Variants in EPB41L5 observed in about 807,000 individuals in gnomAD.
EPB41L5 encodes erythrocyte membrane protein band 4.1 like 5.
A neutral mutation model predicts 106.6 loss-of-function variants in EPB41L5; 55 were observed. The ratio of observed to expected loss-of-function variants is 0.52; its 90% CI spans 0.42 to 0.65. The LOEUF is 0.65. Ranked by LOEUF, EPB41L5 falls within the 30% of genes least tolerant of loss-of-function variation. The pLI is 0.00. For missense variants in EPB41L5, 871 were observed against 882.1 expected (o/e 0.99, Z 0.16); for synonymous variants, 297 against 306.7 (o/e 0.97, Z 0.33).
chr2:120,099,652 C>A (rs1684012598), intron 14 of EPB41L5, among the ~76,000 whole-genome samples: 1 of 152,174 alleles, frequency 6.6e-6, no homozygotes, highest in Admixed American at 6.5e-5. Context: ...TGGTCTCGAT[C>A]TCCTGGCCTC....
intron 3 of EPB41L5, among the ~76,000 whole-genome samples, chr2:120,045,147 G>T (rs984083848): frequency 7.2e-5 from 11 of 152,124 alleles, no homozygotes; most frequent in African/African-American, 2.7e-4. Flanking sequence ...AGGTTAATGT[G>T]CCACATTTTA....
chr2:120,015,847 C>G (rs1213032337), intron 1 of EPB41L5, among the ~76,000 whole-genome samples: 3 of 150,320 alleles, frequency 2.0e-5, no homozygotes, highest in East Asian at 3.9e-4. Context: ...GTGGGAGAAT[C>G]CCTTGAGCAT....
At chr2:120,082,564 T>G (rs1030355037) in intron 10 of EPB41L5, among the ~76,000 whole-genome samples, 1 of 152,156 alleles carries the variant, frequency 6.6e-6, no homozygotes, top group Admixed American at 6.5e-5. Flanking sequence ...GGTCTAAAAT[T>G]CTCTTTTTTT....
chr2:120,128,708 G>GT (rs397941666), intron 17 of EPB41L5, among the ~76,000 whole-genome samples: 6,615 of 140,934 alleles, frequency 0.047, 154 homozygotes, highest in African/African-American at 0.08. Context: ...GTACATCATG[G>GT]TTTTTTTTTT....
At position 120,146,226 on chromosome 2, in the gene EPB41L5, T is replaced by C; in HGVS notation, c.1730T>C (p.Val577Ala). Reference sequence around the variant, plus strand: ...TTTTTTAATATTTCATTTTCTTAGGTTACAAAAGAAGATAGCTTATTAAGT... The same window carrying C: ...TTTTTTAATATTTCATTTTCTTAGGCTACAAAAGAAGATAGCTTATTAAGT... ...LKAQVEAVHKVTKEDSLLSHK... is the reference protein window; with the variant it reads ...LKAQVEAVHKATKEDSLLSHK... Residue 577 changes from valine to alanine, a missense_variant and splice_region_variant, in exon 20 of 25, where the codon GTT becomes GCT. Transcript: ENST00000263713. 1 of 1,585,874 alleles carries C rather than the reference T, an allele frequency of 6.3e-7. No individual in the cohort carries two copies. Among genetic ancestry groups the C allele is most frequent in the Non-Finnish European group, 8.7e-7 (1 of 1,155,740 alleles).
chr2:120,103,114 A>G (rs989494995), intron 16 of EPB41L5, among the ~76,000 whole-genome samples: 2 of 152,218 alleles, frequency 1.3e-5, no homozygotes, highest in African/African-American at 4.8e-5. Context: ...ATAAAGGTGA[A>G]GATTAATGTT....
chr2:120,098,333 C>T (rs1683905954), intron 14 of EPB41L5, among the ~76,000 whole-genome samples: 1 of 151,768 alleles, frequency 6.6e-6, no homozygotes, highest in Non-Finnish European at 1.5e-5. Flanking sequence ...CCTCAGCCTC[C>T]AAAGTATCTG....
chr2:120,151,638 C>T (rs1294234325), intron 20 of EPB41L5, among the ~76,000 whole-genome samples: 4 of 119,182 alleles, frequency 3.4e-5, no homozygotes, highest in Non-Finnish European at 5.0e-5. Context: ...TTTTTAAAGA[C>T]GGAGTCTTGC....
At chr2:120,047,813 C>G (rs1679912520) in intron 3 of EPB41L5, among the ~76,000 whole-genome samples, 1 of 152,126 alleles carries the variant, frequency 6.6e-6, no homozygotes, top group Non-Finnish European at 1.5e-5. Flanking sequence ...ATAAACAGCT[C>G]TTATTATTTT....
chr2:120,170,619 T>A (rs181204236), intron 24 of EPB41L5, among the ~76,000 whole-genome samples: 2 of 152,350 alleles, frequency 1.3e-5, no homozygotes, highest in African/African-American at 4.8e-5. Context: ...GAAGTCACAA[T>A]CTTGTATAGT....
intron 2 of EPB41L5, among the ~76,000 whole-genome samples, chr2:120,026,709 A>G (rs1405268920): frequency 3.3e-5 from 5 of 152,242 alleles, no homozygotes; most frequent in African/African-American, 1.2e-4. Flanking sequence ...AGCATGAGCA[A>G]CTAAAGAAAA....
intron 2 of EPB41L5, among the ~76,000 whole-genome samples, chr2:120,027,542 G>A (rs546018487): frequency 6.6e-6 from 1 of 152,270 alleles, no homozygotes; most frequent in African/African-American, 2.4e-5. Flanking sequence ...GGAACTGACA[G>A]GGTGGTAGGG....
chr2:120,144,681 T>C (rs565464000), intron 19 of EPB41L5, among the ~76,000 whole-genome samples: 96 of 152,334 alleles, frequency 6.3e-4, no homozygotes, highest in Admixed American at 4.1e-3. Context: ...ATTCATCTTA[T>C]GAGACTAGTG....
At chr2:120,029,079 C>T (rs1343620049) in intron 2 of EPB41L5, among the ~76,000 whole-genome samples, 2 of 152,170 alleles carry the variant, frequency 1.3e-5, no homozygotes, top group Non-Finnish European at 1.5e-5. Flanking sequence ...AAGGAGATAG[C>T]ACGGCAGTTG....
intron 3 of EPB41L5, among the ~76,000 whole-genome samples, chr2:120,047,908 A>G (rs908242463): frequency 6.6e-5 from 10 of 152,192 alleles, no homozygotes; most frequent in African/African-American, 9.7e-5. Flanking sequence ...TTCTGCATCT[A>G]TTGAGATAAT....
At chr2:120,019,029 G>A in intron 1 of EPB41L5, 48 bp from the exon 2 acceptor site, 1 of 1,492,186 alleles carries the variant, frequency 6.7e-7, no homozygotes. Flanking sequence ...AAGTTGTGGA[G>A]AATCTCATTT....
At position 120,177,630 on chromosome 2, in the gene EPB41L5, A is replaced by T. The variant is rs1687966282; in HGVS notation, c.*2723A>T. 6.6e-6 allele frequency: 1 copy of T among 152,222 alleles called. No individual in the cohort carries two copies. The highest frequency in any genetic ancestry group is 2.4e-5 in the African/African-American group (1 of 41,444). The allele number at this position is 152,222 out of a possible 1,614,324, so 9.4% of individuals were successfully genotyped here. On this transcript the variant is annotated 3_prime_UTR_variant, in exon 25 of 25. Coordinates refer to ENST00000263713, the MANE Select transcript of EPB41L5 (RefSeq NM_020909.4). ...GTAGCATCATCTTTTGACACACAGG[A>T]GGTCATGGTCATTTCATTCCTACTC...
rs186140866 is a variant in EPB41L5, at chr2:120,119,171, A to C, written c.1338-8517A>C. 2.6e-5 allele frequency among the ~76,000 whole-genome samples: 4 copies of C among 151,762 alleles called. No homozygotes were observed. In the East Asian group the frequency reaches 5.8e-4, roughly 22 times the overall value. On this transcript the variant is annotated intron_variant, in intron 16 of 24. Coordinates refer to ENST00000263713, the MANE Select transcript of EPB41L5 (RefSeq NM_020909.4). The stretch of plus-strand genomic sequence containing the variant: ...TGTTCATGTCCTTTGCCCACTTTTT[A>C]ATGTGCTTTTTTTCTTGTAAATTTG...
In EPB41L5 at chr2:120,105,961, G is replaced by GT. The variant is rs1204154976; in HGVS notation, c.1337+5149dup. On this transcript the variant is annotated intron_variant, in intron 16 of 24. Transcript: ENST00000263713. The stretch of plus-strand genomic sequence containing the variant: ...GTAAAAACCAAAGAGGCACAATGAA[G>GT]TTGTAAGATTTGACTTCACTCACTT... 11 of 985,166 alleles carry GT rather than the reference G, an allele frequency of 1.1e-5. No homozygotes were observed. In the African/African-American group the frequency reaches 1.7e-4, roughly 16 times the overall value. The allele number at this position is 985,166 out of a possible 1,614,324, so 61.0% of individuals were successfully genotyped here. A position where few individuals can be genotyped will look rare whatever the true frequency, so the allele number is the denominator to read the frequency against.
Sources: gnomAD v4.1 joint callset for allele counts (sites outside exome capture counted in the v4.1 genomes callset) on GRCh38, gnomAD v4.1.1 for gene constraint, MANE v1.5 for transcripts, NCBI Gene and HGNC (gene_info 2026-07-23, HGNC 2026-07-21) for gene names.